The following RPS6KC1 variants were observed in gnomAD, a reference collection of about 807,000 sequenced individuals.
The protein encoded by RPS6KC1 is inactive ribosomal protein S6 kinase delta-1.
A neutral mutation model predicts 103.8 loss-of-function variants in RPS6KC1; 54 were observed. The ratio of observed to expected loss-of-function variants is 0.52; its 90% CI spans 0.42 to 0.65. The LOEUF (loss-of-function observed/expected upper bound fraction) is 0.65. Ranked by LOEUF, RPS6KC1 falls within the 30% of genes least tolerant of loss-of-function variation. The probability of loss-of-function intolerance (pLI) is 0.00; values close to 1 mark genes in which losing one functional copy is unlikely to be tolerated. For missense variants in RPS6KC1, 1,151 were observed against 1,253.8 expected (o/e 0.92, Z 1.24); for synonymous variants, 439 against 438.7 (o/e 1.00, Z -0.01).
chr1:213,796,774 G>A, the RPS6KC1 span, among the ~76,000 whole-genome samples: 3 of 152,180 alleles, frequency 2.0e-5, no homozygotes, highest in Non-Finnish European at 4.4e-5. Flanking sequence ...GTCCAAAGGT[G>A]AAATGATAGT....
chr1:213,771,325 G>T, the RPS6KC1 span, among the ~76,000 whole-genome samples: 1 of 152,066 alleles, frequency 6.6e-6, no homozygotes, highest in African/African-American at 2.4e-5. Flanking sequence ...AGGGGAGGGG[G>T]TGGTTAAAAC....
chr1:213,574,035 G>T, the RPS6KC1 span, among the ~76,000 whole-genome samples: 3 of 152,230 alleles, frequency 2.0e-5, no homozygotes, highest in African/African-American at 7.2e-5. Context: ...TGCATCAGCT[G>T]TCAGAAGGGT....
the RPS6KC1 span, among the ~76,000 whole-genome samples, chr1:213,690,857 C>A: frequency 6.6e-6 from 1 of 152,150 alleles, no homozygotes; most frequent in South Asian, 2.1e-4. Flanking sequence ...AAATGTCAGC[C>A]ACTGAAGGAG....
the RPS6KC1 span, among the ~76,000 whole-genome samples, chr1:213,360,971 G>T: frequency 3.9e-5 from 6 of 152,202 alleles, no homozygotes; most frequent in Non-Finnish European, 8.8e-5. Flanking sequence ...TGCCCCTACT[G>T]GGGGGTGCCT....
chr1:213,313,516 C>T, the RPS6KC1 span, among the ~76,000 whole-genome samples: 2 of 152,176 alleles, frequency 1.3e-5, no homozygotes, highest in South Asian at 2.1e-4. Context: ...TATATGCCAC[C>T]TCCTTCCATT....
At chr1:213,790,088 G>A in the RPS6KC1 span, among the ~76,000 whole-genome samples, 1 of 152,186 alleles carries the variant, frequency 6.6e-6, no homozygotes, top group Non-Finnish European at 1.5e-5. Flanking sequence ...GACTGAGGAG[G>A]AGAGTTTCTG....
At chr1:213,773,083 C>G in the RPS6KC1 span, among the ~76,000 whole-genome samples, 1 of 152,128 alleles carries the variant, frequency 6.6e-6, no homozygotes, top group South Asian at 2.1e-4. Flanking sequence ...AGCAGGGCCT[C>G]TCTCCAGGAT....
chr1:213,223,814 T>C (rs2093895153), intron 8 of RPS6KC1, among the ~76,000 whole-genome samples: 1 of 152,204 alleles, frequency 6.6e-6, no homozygotes, highest in Admixed American at 6.5e-5. Context: ...TGTACTAATT[T>C]TCTATAGACT....
At chr1:213,214,123 A>G (rs2093593334) in intron 8 of RPS6KC1, among the ~76,000 whole-genome samples, 1 of 151,962 alleles carries the variant, frequency 6.6e-6, no homozygotes, top group Non-Finnish European at 1.5e-5. Context: ...ATTCCCTTTC[A>G]TAGCCAAGGA....
chr1:213,230,110 G>A (rs947419861), intron 8 of RPS6KC1, among the ~76,000 whole-genome samples: 1 of 152,142 alleles, frequency 6.6e-6, no homozygotes, highest in East Asian at 1.9e-4. Context: ...ATAGCAAGTT[G>A]CTACATAGGA....
the RPS6KC1 span, among the ~76,000 whole-genome samples, chr1:213,752,166 C>T: frequency 6.6e-6 from 1 of 151,990 alleles, no homozygotes; most frequent in African/African-American, 2.4e-5. Flanking sequence ...AGAGAAAATA[C>T]CCTTCGATAG....
At chr1:213,594,669 A>G in the RPS6KC1 span, among the ~76,000 whole-genome samples, 3 of 152,342 alleles carry the variant, frequency 2.0e-5, no homozygotes, top group African/African-American at 7.2e-5. Context: ...TATAGTACTT[A>G]CCATATGCTG....
chr1:213,644,536 C>T, the RPS6KC1 span, among the ~76,000 whole-genome samples: 1 of 151,940 alleles, frequency 6.6e-6, no homozygotes, highest in South Asian at 2.1e-4. Context: ...ATCCCTCCCA[C>T]CCCCCATACC....
chr1:213,124,931 T>G (rs559307892), intron 5 of RPS6KC1, among the ~76,000 whole-genome samples: 1 of 152,250 alleles, frequency 6.6e-6, no homozygotes, highest in African/African-American at 2.4e-5. Context: ...TAAACAGATC[T>G]GCCTTTGTAC....
the RPS6KC1 span, among the ~76,000 whole-genome samples, chr1:213,722,006 C>G: frequency 6.6e-6 from 1 of 152,100 alleles, no homozygotes; most frequent in Admixed American, 6.6e-5. Flanking sequence ...CCCCTCCGTG[C>G]CCACTCCGTC....
the RPS6KC1 span, among the ~76,000 whole-genome samples, chr1:213,622,742 T>C: frequency 6.6e-6 from 1 of 152,128 alleles, no homozygotes; most frequent in Non-Finnish European, 1.5e-5. Flanking sequence ...TCACCTCTGG[T>C]CACCCCAAAC....
chr1:213,118,473 G>A (rs567430136), intron 5 of RPS6KC1, among the ~76,000 whole-genome samples: 2 of 152,168 alleles, frequency 1.3e-5, no homozygotes, highest in East Asian at 3.9e-4. Flanking sequence ...GGTGGAGGAG[G>A]ATGCTTTATG....
At chr1:213,537,006 T>G in the RPS6KC1 span, among the ~76,000 whole-genome samples, 19 of 152,278 alleles carry the variant, frequency 1.2e-4, no homozygotes, top group Admixed American at 7.2e-4. Context: ...GGACAACATA[T>G]CCACCTTACA....
chr1:213,532,146 T>C, the RPS6KC1 span, among the ~76,000 whole-genome samples: 4 of 152,148 alleles, frequency 2.6e-5, no homozygotes, highest in African/African-American at 9.7e-5. Flanking sequence ...TCAAAACACA[T>C]TGTTGCCTGG....
Sources: gnomAD v4.1 joint callset for allele counts (sites outside exome capture counted in the v4.1 genomes callset) on GRCh38, gnomAD v4.1.1 for gene constraint, MANE v1.5 for transcripts, NCBI Gene and HGNC (gene_info 2026-07-23, HGNC 2026-07-21) for gene names.